Variants in WWOX observed in about 807,000 individuals in gnomAD.
The protein encoded by WWOX is WW domain-containing oxidoreductase.
WWOX carries 69 observed loss-of-function variants against 46.2 expected under a neutral mutation model. The observed-to-expected ratio is 1.49, with a 90% CI of 1.23 to 1.82. WWOX has a LOEUF of 1.82. Among genes scored for constraint, WWOX ranks in the 40% most tolerant of loss-of-function variants. WWOX has a pLI of 0.00. For missense variants in WWOX, 919 were observed against 542.6 expected, an observed-to-expected ratio of 1.69 and a Z score of -6.89; for synonymous variants, 359 against 202.6, an observed-to-expected ratio of 1.77 and a Z score of -6.56.
At chr16:78,240,833 C>A (rs900368334) in intron 5 of WWOX, among the ~76,000 whole-genome samples, 1 of 152,196 alleles carries the variant, frequency 6.6e-6, no homozygotes. Flanking sequence ...ATCCCTGTCT[C>A]ATTGAGAAGC....
chr16:78,577,916 A>G lies in WWOX; in HGVS notation c.1056+145164A>G, dbSNP rs117238323. Reference sequence around the variant, plus strand: ...ATATATTCAAGGGTGGTTTCTTGCTATCAGTTGTACCCTTGTGGCCACAGT... The same window carrying G: ...ATATATTCAAGGGTGGTTTCTTGCTGTCAGTTGTACCCTTGTGGCCACAGT... On this transcript the variant is annotated intron_variant, in intron 8 of 8. Coordinates refer to ENST00000566780, the MANE Select transcript of WWOX (RefSeq NM_016373.4). Among the ~76,000 whole-genome samples, 57 of 152,174 alleles carry G rather than the reference A, an allele frequency of 3.7e-4. No homozygotes were observed. In the East Asian group the frequency reaches 0.011, roughly 28 times the overall value.
rs1036878831 is a variant in WWOX, at chr16:78,507,735, G to A, written c.1056+74983G>A. Among the ~76,000 whole-genome samples the A allele has an allele frequency of 5.3e-5, 8 of 152,004 alleles. No homozygotes were observed. In the East Asian group the frequency reaches 1.4e-3, roughly 26 times the overall value. ...GCTTGAATTATAATATGGTAGAGGA[G>A]GAAACACAGTCTTACTGTGCCGTGT... On this transcript the variant is annotated intron_variant, in intron 8 of 8. Transcript: ENST00000566780.
In WWOX at chr16:78,357,677, T is replaced by C. The variant is rs528434735; in HGVS notation, c.517-29183T>C. Among the ~76,000 whole-genome samples, 10 of 152,344 alleles carry C rather than the reference T, an allele frequency of 6.6e-5. No individual in the cohort carries two copies. In the South Asian group the frequency reaches 1.9e-3, roughly 28 times the overall value. On this transcript the variant is annotated intron_variant, in intron 5 of 8. Transcript: ENST00000566780. ...GGATTATCATTGTTAGGATGGTTAT[T>C]ATCAATACTAGCTGTGATTATTGAT...
intron 8 of WWOX, among the ~76,000 whole-genome samples, chr16:78,495,405 T>G (rs1221181200): frequency 6.6e-6 from 1 of 151,736 alleles, no homozygotes; most frequent in Non-Finnish European, 1.5e-5. Flanking sequence ...CCTCCCAAAG[T>G]GCTGGGATTA....
chr16:78,762,928 C>T (rs1026603716), intron 8 of WWOX, among the ~76,000 whole-genome samples: 3 of 152,180 alleles, frequency 2.0e-5, no homozygotes, highest in Admixed American at 2.0e-4. Flanking sequence ...AGGCTGAGAA[C>T]AGAACGACAA....
At chr16:78,606,051 C>T (rs868471558) in intron 8 of WWOX, among the ~76,000 whole-genome samples, 5 of 152,316 alleles carry the variant, frequency 3.3e-5, no homozygotes, top group East Asian at 1.9e-4. Flanking sequence ...CATTCTGCTA[C>T]GAGGGATGCC....
chr16:78,758,619 T>A (rs1435004332), intron 8 of WWOX, among the ~76,000 whole-genome samples: 1 of 152,170 alleles, frequency 6.6e-6, no homozygotes, highest in Non-Finnish European at 1.5e-5. Flanking sequence ...CTTTTTAGCT[T>A]GTCCTTCCCG....
At chr16:78,962,052 C>T (rs1463311668) in intron 8 of WWOX, among the ~76,000 whole-genome samples, 1 of 152,070 alleles carries the variant, frequency 6.6e-6, no homozygotes, top group Non-Finnish European at 1.5e-5. Flanking sequence ...TGACTTCTAC[C>T]TATGATCCAG....
At chr16:78,726,559 C>T (rs570262403) in intron 8 of WWOX, among the ~76,000 whole-genome samples, 5 of 149,524 alleles carry the variant, frequency 3.3e-5, no homozygotes, top group Non-Finnish European at 7.4e-5. Context: ...CACAGTAGTG[C>T]TTTTTGTTCC....
rs187813904 is a variant in WWOX at position 78,461,411 on chromosome 16, C to T, written c.1056+28659C>T. ...CAAAAAATAGGAAAAAAAGAAAGAG[C>T]GTATTTATAGATGGTAGAGAATTCT... is the stretch of plus-strand genomic sequence containing the variant. On this transcript the variant is annotated intron_variant, in intron 8 of 8. Transcript: ENST00000566780. Among the ~76,000 whole-genome samples, 432 of 152,230 alleles carry T rather than the reference C, an allele frequency of 2.8e-3. 3 individuals carry two copies. Among genetic ancestry groups the T allele is most frequent in the African/African-American group, 1.0e-2 (414 of 41,536 alleles).
chr16:78,680,392 G>A (rs556867614), intron 8 of WWOX, among the ~76,000 whole-genome samples: 1 of 152,214 alleles, frequency 6.6e-6, no homozygotes, highest in East Asian at 1.9e-4. Flanking sequence ...AAATTAGCTG[G>A]GCATGGTGTC....
chr16:78,409,539 A>T (rs2082626658), intron 6 of WWOX, among the ~76,000 whole-genome samples: 1 of 152,186 alleles, frequency 6.6e-6, no homozygotes, highest in Admixed American at 6.5e-5. Flanking sequence ...CTGCTAAATT[A>T]CCCCCAAGAC....
chr16:78,924,759 T>G (rs1308057356), intron 8 of WWOX, among the ~76,000 whole-genome samples: 6 of 152,226 alleles, frequency 3.9e-5, no homozygotes. Flanking sequence ...ATATGATGTC[T>G]TCTGTTTAAG....
chr16:78,663,892 G>C (rs552842038), intron 8 of WWOX, among the ~76,000 whole-genome samples: 2 of 152,304 alleles, frequency 1.3e-5, no homozygotes, highest in East Asian at 3.9e-4. Context: ...AGTAAGTGGT[G>C]AATGGGTTTG....
chr16:78,193,164 C>G (rs1046303053), intron 5 of WWOX, among the ~76,000 whole-genome samples: 21 of 152,180 alleles, frequency 1.4e-4, no homozygotes, highest in African/African-American at 4.3e-4. Context: ...GTCATATTGT[C>G]ATATATCAAT....
intron 8 of WWOX, among the ~76,000 whole-genome samples, chr16:78,504,169 C>G (rs13331582): frequency 0.052 from 7,929 of 152,140 alleles, 415 homozygotes; most frequent in East Asian, 0.18. Flanking sequence ...TAATAAATAA[C>G]TGAAATACCA....
At chr16:78,447,267 C>T (rs932089052) in intron 8 of WWOX, among the ~76,000 whole-genome samples, 1 of 152,128 alleles carries the variant, frequency 6.6e-6, no homozygotes, top group East Asian at 1.9e-4. Flanking sequence ...TACTCCTGTG[C>T]CAGTAACAAT....
intron 8 of WWOX, among the ~76,000 whole-genome samples, chr16:78,465,833 C>T (rs1458630162): frequency 6.6e-6 from 1 of 152,030 alleles, no homozygotes; most frequent in African/African-American, 2.4e-5. Flanking sequence ...GTCTGAATTG[C>T]ATTCTGTTGG....
At chr16:78,698,832 C>G (rs1221552586) in intron 8 of WWOX, among the ~76,000 whole-genome samples, 1 of 152,164 alleles carries the variant, frequency 6.6e-6, no homozygotes, top group Non-Finnish European at 1.5e-5. Flanking sequence ...AGCTGGGCAA[C>G]ATGGTGAGAC....
Sources: allele counts gnomAD v4.1 joint callset (sites outside exome capture counted in the v4.1 genomes callset), GRCh38; gene constraint gnomAD v4.1.1; transcripts MANE v1.5; gene names NCBI Gene and HGNC (gene_info 2026-07-23, HGNC 2026-07-21).